Variants in KCNQ1 observed in about 807,000 individuals in gnomAD.
The protein encoded by KCNQ1 is potassium voltage-gated channel subfamily Q member 1, also known as potassium voltage-gated channel subfamily KQT member 1.
Under a neutral mutation model 72.4 loss-of-function variants are expected in KCNQ1, and 49 were observed. The observed-to-expected ratio is 0.68, with a 90% CI of 0.54 to 0.86. The LOEUF (loss-of-function observed/expected upper bound fraction) is 0.86. KCNQ1 is among the 40% of genes least tolerant of loss of function. The probability of loss-of-function intolerance (pLI) is 0.00; values close to 1 mark genes in which losing one functional copy is unlikely to be tolerated. For synonymous variants in KCNQ1, 450 were observed against 412.6 expected (o/e 1.09, Z -1.10); for missense variants, 790 against 945.1 (o/e 0.84, Z 2.15).
At position 2,509,757 on chromosome 11, in the gene KCNQ1, G is replaced by A. The variant is rs887256194; in HGVS notation, c.387-18171G>A. 1.3e-5 allele frequency among the ~76,000 whole-genome samples: 2 copies of A among 152,084 alleles called. No homozygotes were observed. The highest frequency in any genetic ancestry group is 2.9e-5 in the Non-Finnish European group (2 of 68,020). On this transcript the variant is annotated intron_variant, in intron 1 of 15. Transcript: ENST00000155840. The surrounding 1 kb of genome is among the most constrained non-coding windows in gnomAD (Gnocchi z 6.3). ...ATAGGGAAAGAAAAGAGGGGCTTCC[G>A]GGGGTGGGGAGCGGGGCTGGGCGGC...
intron 10 of KCNQ1, chr11:2,616,928 T>C (rs1458765837): frequency 5.0e-6 from 2 of 397,712 alleles, no homozygotes; most frequent in Non-Finnish European, 8.9e-6. Flanking sequence ...TCTTTTCTTA[T>C]TGGGCTTCTG....
In KCNQ1 at chr11:2,602,279, A is replaced by G. The variant is rs1415122704; in HGVS notation, c.1393+13425A>G. Among the ~76,000 whole-genome samples the G allele has an allele frequency of 7.1e-6, 1 of 140,776 alleles. No homozygotes were observed. The highest frequency in any genetic ancestry group is 1.5e-5 in the Non-Finnish European group (1 of 65,226). 92.4% of individuals were successfully genotyped at this position (140,776 alleles called of 152,430 possible). On this transcript the variant is annotated intron_variant, in intron 10 of 15. Coordinates refer to ENST00000155840, the MANE Select transcript of KCNQ1 (RefSeq NM_000218.3). The surrounding 1 kb of genome is among the most constrained non-coding windows in gnomAD (Gnocchi z 4.8). The stretch of plus-strand genomic sequence containing the variant: ...GACTTCTGGCCTCTAGAACTGTGAG[A>G]AAAAAAAAAAAAGCGTGTCTTGTTT...
intron 2 of KCNQ1, among the ~76,000 whole-genome samples, chr11:2,569,163 C>A (rs966259665): frequency 6.6e-6 from 1 of 152,198 alleles, no homozygotes; most frequent in Non-Finnish European, 1.5e-5. Flanking sequence ...GGATTACAGG[C>A]GTGAGCCCCC....
intron 10 of KCNQ1, chr11:2,629,129 A>T (rs961116135): frequency 2.5e-6 from 1 of 398,118 alleles, no homozygotes; most frequent in Admixed American, 4.4e-5. Flanking sequence ...TCTGTGAAAA[A>T]AAGTCACTGG....
At chr11:2,660,730 C>G in intron 10 of KCNQ1, 2 of 398,652 alleles carry the variant, frequency 5.0e-6, no homozygotes, top group South Asian at 1.3e-4. Context: ...TTCAACACTT[C>G]ATTCAGGCAT....
At chr11:2,686,209 A>G in intron 11 of KCNQ1, 2 of 398,758 alleles carry the variant, frequency 5.0e-6, no homozygotes, top group Non-Finnish European at 8.8e-6. Flanking sequence ...CCCTGCTCCA[A>G]CCTAGCTGTG....
At chr11:2,780,769 C>A (rs949894368) in intron 15 of KCNQ1, among the ~76,000 whole-genome samples, 2 of 152,318 alleles carry the variant, frequency 1.3e-5, no homozygotes, top group Admixed American at 1.3e-4. Context: ...GTTTCCCTGG[C>A]AGGGAGCCCT....
In KCNQ1 at chr11:2,687,542, C is replaced by T; in HGVS notation, c.1514+25461C>T. The T allele has an allele frequency of 2.5e-6, 1 of 398,716 alleles. No homozygotes were observed. The highest frequency in any genetic ancestry group is 4.4e-6 in the Non-Finnish European group (1 of 226,144). The allele number at this position is 398,716 out of a possible 1,614,324, so 24.7% of individuals were successfully genotyped here. ...CCTCTGTATGGTCCCTTCCCTGGTG[C>T]ACCTACCACAGCCCACTCTGATGAC... On this transcript the variant is annotated intron_variant, in intron 11 of 15. Coordinates refer to ENST00000155840, the MANE Select transcript of KCNQ1 (RefSeq NM_000218.3). The surrounding 1 kb of genome is among the most constrained non-coding windows in gnomAD (Gnocchi z 5.0).
rs1342413314 is a variant in KCNQ1, at chr11:2,764,045, T to C, written c.1515-4799T>C. On this transcript the variant is annotated intron_variant, in intron 11 of 15. Coordinates refer to ENST00000155840, the MANE Select transcript of KCNQ1 (RefSeq NM_000218.3). This position sits in a 1 kb window ranked among gnomAD's most constrained non-coding sequence, Gnocchi z 4.8. ...TACCTTTTATCTCCCTTTTCCTACCTTTTTAACATACCAGCTGGGACTTTC... is the reference window on the plus strand; with the variant it reads ...TACCTTTTATCTCCCTTTTCCTACCCTTTTAACATACCAGCTGGGACTTTC... Among the ~76,000 whole-genome samples the C allele has an allele frequency of 1.3e-5, 2 of 152,208 alleles. No individual in the cohort carries two copies. Among genetic ancestry groups the C allele is most frequent in the Non-Finnish European group, 2.9e-5 (2 of 68,034 alleles).
At chr11:2,662,849 C>T (rs1421958239) in intron 11 of KCNQ1, 1 of 398,686 alleles carries the variant, frequency 2.5e-6, no homozygotes, top group East Asian at 3.6e-5. Context: ...TGGAAACTCT[C>T]CTTCTCTCTA....
At position 2,764,986 on chromosome 11, in the gene KCNQ1, A is replaced by G. The variant is rs1846470565; in HGVS notation, c.1515-3858A>G. ...TTTCCTTAAATAATGTTCATTTTTTATCTCATAGACTGTGCTCTTAACTTT... is the reference window on the plus strand; with the variant it reads ...TTTCCTTAAATAATGTTCATTTTTTGTCTCATAGACTGTGCTCTTAACTTT... On this transcript the variant is annotated intron_variant, in intron 11 of 15. Coordinates refer to ENST00000155840, the MANE Select transcript of KCNQ1 (RefSeq NM_000218.3). The surrounding 1 kb of genome is among the most constrained non-coding windows in gnomAD (Gnocchi z 4.8). Among the ~76,000 whole-genome samples, 1 of 152,152 alleles carries G rather than the reference A, an allele frequency of 6.6e-6. No individual in the cohort carries two copies. The highest frequency in any genetic ancestry group is 1.5e-5 in the Non-Finnish European group (1 of 68,020).
rs1440705295 is a variant in KCNQ1, at chr11:2,567,080, G to A, written c.478-3548G>A. Among the ~76,000 whole-genome samples the A allele has an allele frequency of 6.6e-6, 1 of 152,038 alleles. No homozygotes were observed. The highest frequency in any genetic ancestry group is 1.5e-5 in the Non-Finnish European group (1 of 67,970). On this transcript the variant is annotated intron_variant, in intron 2 of 15. Coordinates refer to ENST00000155840, the MANE Select transcript of KCNQ1 (RefSeq NM_000218.3). The surrounding 1 kb of genome is among the most constrained non-coding windows in gnomAD (Gnocchi z 6.6). Reference sequence around the variant, plus strand: ...CTGGGGCCCACGGGAGGCTCTGGGGGAGACTGGGCGGTGAGCCCCTGGGAA... The same window carrying A: ...CTGGGGCCCACGGGAGGCTCTGGGGAAGACTGGGCGGTGAGCCCCTGGGAA...
intron 15 of KCNQ1, among the ~76,000 whole-genome samples, chr11:2,790,044 T>C (rs768283673): frequency 2.6e-5 from 4 of 152,134 alleles, no homozygotes; most frequent in Non-Finnish European, 5.9e-5. Context: ...CCCTGGGACT[T>C]GGAGGGGATC....
rs1847508925 is a variant in KCNQ1, at chr11:2,526,510, G to A, written c.387-1418G>A. 6.6e-6 allele frequency among the ~76,000 whole-genome samples: 1 copy of A among 152,114 alleles called. No individual in the cohort carries two copies. Among genetic ancestry groups the A allele is most frequent in the South Asian group, 2.1e-4 (1 of 4,826 alleles). On this transcript the variant is annotated intron_variant, in intron 1 of 15. Coordinates refer to ENST00000155840, the MANE Select transcript of KCNQ1 (RefSeq NM_000218.3). The surrounding 1 kb of genome is among the most constrained non-coding windows in gnomAD (Gnocchi z 6.1). ...TGAGCCCTCAAGGGCCTTTGGGTAG[G>A]GCTACCAGAGGCCAGGAAAGGATTG...
At chr11:2,511,831 C>T (rs1033804117) in intron 1 of KCNQ1, among the ~76,000 whole-genome samples, 1 of 152,172 alleles carries the variant, frequency 6.6e-6, no homozygotes, top group African/African-American at 2.4e-5. Flanking sequence ...GGTGCTTGGC[C>T]ACATGCGGGC....
intron 10 of KCNQ1, chr11:2,655,998 A>C (rs1490252491): frequency 5.0e-6 from 2 of 398,500 alleles, no homozygotes; most frequent in African/African-American, 4.1e-5. Flanking sequence ...TGCACATTTT[A>C]ATTTCCTAAA....
intron 2 of KCNQ1, among the ~76,000 whole-genome samples, chr11:2,560,267 GGGGGCGGTGACGTCCATCCTGGGGGAGT>G: frequency 2.1e-5 from 1 of 46,744 alleles, no homozygotes; most frequent in Non-Finnish European, 4.6e-5. Flanking sequence ...CTGGGGGAGT[GGGGGCGGTGACGTCCATCCTGGGGGAGT>G]GGGGGCGGTG....
rs112036578 is a variant in KCNQ1, at chr11:2,542,690, T to C, written c.477+14672T>C. ...GACGGTTGGCGTTTTCTGGGGCTTG[T>C]TGTCAGTGCAATCATACAGTGTGTG... On this transcript the variant is annotated intron_variant, in intron 2 of 15. Transcript: ENST00000155840. Among the ~76,000 whole-genome samples, 1,231 of 152,264 alleles carry C rather than the reference T, an allele frequency of 8.1e-3. 26 individuals are homozygous for C. Among genetic ancestry groups the C allele is most frequent in the African/African-American group, 0.028 (1,180 of 41,540 alleles).
intron 15 of KCNQ1, among the ~76,000 whole-genome samples, chr11:2,800,836 T>C (rs976033404): frequency 1.3e-5 from 2 of 152,014 alleles, no homozygotes; most frequent in Non-Finnish European, 2.9e-5. Context: ...ATTCCCCAAG[T>C]TATGGGAGAA....
Sources: gnomAD v4.1 joint callset for allele counts (sites outside exome capture counted in the v4.1 genomes callset) on GRCh38, gnomAD v4.1.1 for gene constraint, Gnocchi (gnomAD v3.1) non-coding constraint, MANE v1.5 for transcripts, NCBI Gene and HGNC (gene_info 2026-07-23, HGNC 2026-07-21) for gene names.